Variants in HERPUD1 observed in about 807,000 individuals in gnomAD.
The protein encoded by HERPUD1 is homocysteine-responsive endoplasmic reticulum-resident ubiquitin-like domain member 1 protein.
In HERPUD1, 17 loss-of-function variants were observed where a neutral mutation model predicts 45.0. The ratio of observed to expected loss-of-function variants is 0.38; its 90% CI spans 0.26 to 0.57. The LOEUF is 0.57. Ranked by LOEUF, HERPUD1 falls within the 20% of genes least tolerant of loss-of-function variation. HERPUD1 has a pLI of 0.72. For missense variants in HERPUD1, 420 were observed against 490.5 expected, an observed-to-expected ratio of 0.86 and a Z score of 1.36; for synonymous variants, 164 against 177.5, an observed-to-expected ratio of 0.92 and a Z score of 0.61.
intron 4 of HERPUD1, 162 bp downstream of exon 4, chr16:56,936,979 C>G (rs2055871853): frequency 1.6e-6 from 1 of 615,142 alleles, no homozygotes; most frequent in Non-Finnish European, 2.5e-6. Context: ...ATATATTTAA[C>G]TTTTCTTAAT....
At position 56,932,194 on chromosome 16, in the gene HERPUD1, C is replaced by T; in HGVS notation, c.-51C>T. ...GAGATTGCGGGCGGCTGAGACGCCGCCTGCCTGGCACCTAGGAGCGCAGCG... is the reference window on the plus strand; with the variant it reads ...GAGATTGCGGGCGGCTGAGACGCCGTCTGCCTGGCACCTAGGAGCGCAGCG... On this transcript the variant is annotated 5_prime_UTR_variant, in exon 1 of 8. Coordinates refer to ENST00000439977, the MANE Select transcript of HERPUD1 (RefSeq NM_014685.4). 6.3e-7 allele frequency: 1 copy of T among 1,589,700 alleles called. No individual in the cohort carries two copies. Among genetic ancestry groups the T allele is most frequent in the Non-Finnish European group, 8.5e-7 (1 of 1,173,874 alleles).
chr16:56,934,977 G>A (rs1820787), intron 1 of HERPUD1: 114,132 of 398,312 alleles, frequency 0.29, 17,191 homozygotes, highest in Middle Eastern at 0.36. Flanking sequence ...CTCCCACAGT[G>A]CTTGGATTAC....
chr16:56,933,819 C>G (rs1211229379), intron 1 of HERPUD1, among the ~76,000 whole-genome samples: 2 of 152,138 alleles, frequency 1.3e-5, no homozygotes, highest in Non-Finnish European at 1.5e-5. Context: ...GAAAATAATT[C>G]AAAACCACTG....
rs2055830080 is a variant in HERPUD1 at position 56,932,220 on chromosome 16, G to A, written c.-25G>A. 1 of 1,602,058 alleles carries A rather than the reference G, an allele frequency of 6.2e-7. No homozygotes were observed. Among genetic ancestry groups the A allele is most frequent in the Non-Finnish European group, 8.5e-7 (1 of 1,178,178 alleles). ...CTGCCTGGCACCTAGGAGCGCAGCGGAGCCCCGACACCGCCGCCGCCGCCA... is the reference window on the plus strand; with the variant it reads ...CTGCCTGGCACCTAGGAGCGCAGCGAAGCCCCGACACCGCCGCCGCCGCCA... On this transcript the variant is annotated 5_prime_UTR_variant, in exon 1 of 8. Transcript: ENST00000439977.
chr16:56,936,852 C>A (rs772451442), intron 4 of HERPUD1, 35 bp downstream of exon 4: 1 of 1,604,608 alleles, frequency 6.2e-7, no homozygotes. Flanking sequence ...GCTTATGCAA[C>A]ATGAATGTTC....
At chr16:56,939,472 C>A in intron 5 of HERPUD1, 113 bp downstream of exon 5, 1 of 1,306,172 alleles carries the variant, frequency 7.7e-7, no homozygotes, top group Non-Finnish European at 1.1e-6. Flanking sequence ...TTTCATCAGT[C>A]TGCAGAGCCC....
At position 56,943,519 on chromosome 16, in the gene HERPUD1, T is replaced by C. The variant is rs1596984914; in HGVS notation, c.*229T>C. On this transcript the variant is annotated 3_prime_UTR_variant, in exon 8 of 8. Coordinates refer to ENST00000439977, the MANE Select transcript of HERPUD1 (RefSeq NM_014685.4). ...GTCTTTATTCTGAAGAGCTTTAATA[T>C]ATACTCTATGTAGTTTAATAAGCAC... 1.7e-6 allele frequency: 1 copy of C among 592,576 alleles called. No individual in the cohort carries two copies. Among genetic ancestry groups the C allele is most frequent in the East Asian group, 3.0e-5 (1 of 33,892 alleles). 36.7% of individuals were successfully genotyped at this position (592,576 alleles called of 1,614,324 possible). A position where few individuals can be genotyped will look rare whatever the true frequency, so the allele number is the denominator to read the frequency against.
At chr16:56,937,142 C>G (rs149163254) in intron 4 of HERPUD1, 2 of 189,856 alleles carry the variant, frequency 1.1e-5, no homozygotes, top group Non-Finnish European at 2.2e-5. Context: ...AAACAGCTGT[C>G]GTAAGCATTG....
rs745965637 is a variant in HERPUD1 at position 56,942,193 on chromosome 16, C to T, written c.967C>T (p.Pro323Ser). The T allele has an allele frequency of 3.1e-6, 5 of 1,614,086 alleles. No homozygotes were observed. In the South Asian group the frequency reaches 5.5e-5, roughly 18 times the overall value. Residue 323 changes from proline (P) to serine (S), a missense_variant, in exon 7 of 8, where the codon CCT (proline) becomes TCT (serine). Physicochemically the swap from Pro to Ser is moderately conservative, Grantham distance 74. Transcript: ENST00000439977. ...RPVQNFPNDG[P>S]PPDVVNQDPN... is the part of the protein sequence containing the mutation. ...GGTTCAGAACTTCCCAAATGATGGT[C>T]CTCCTCCTGACGTTGTAAATCAGGA...
chr16:56,936,587 G>T, intron 3 of HERPUD1, 100 bp from the exon 4 acceptor site: 1 of 1,089,688 alleles, frequency 9.2e-7, no homozygotes, highest in Non-Finnish European at 1.2e-6. Flanking sequence ...GAGGTGGGGG[G>T]TAGGAGATGT....
chr16:56,934,990 G>A (rs1159706478), intron 1 of HERPUD1: 2 of 434,952 alleles, frequency 4.6e-6, no homozygotes, highest in Non-Finnish European at 4.3e-6. Context: ...TGGATTACAG[G>A]CATGAGCCAC....
rs540203981 is a variant in HERPUD1, at chr16:56,942,195, T to G, written c.969T>G (p.Pro323=). ...TTCAGAACTTCCCAAATGATGGTCC[T>G]CCTCCTGACGTTGTAAATCAGGACC... is the stretch of plus-strand genomic sequence containing the variant. ...RPVQNFPNDG[P]PPDVVNQDPN... is the part of the protein sequence containing the mutation. Residue 323 remains proline (P), a synonymous_variant, in exon 7 of 8, where the codon CCT becomes CCG. Coordinates refer to ENST00000439977, the MANE Select transcript of HERPUD1 (RefSeq NM_014685.4). 237 of 1,614,150 alleles carry G rather than the reference T, an allele frequency of 1.5e-4. 3 individuals are homozygous for G. The South Asian group carries it at 1.8e-3, about 12-fold the overall frequency.
chr16:56,933,153 G>C, intron 1 of HERPUD1: 1 of 414,418 alleles, frequency 2.4e-6, no homozygotes, highest in Non-Finnish European at 4.8e-6. Flanking sequence ...TTTCTGCTCT[G>C]ATATTATGTA....
Position 56,944,402 on chromosome 16 carries a change from T to A in HERPUD1, c.*1112T>A, listed in dbSNP as rs1463753106. ...CATGCTTTTGTAAGCTGAGCTTATG[T>A]TTGTGATTTTAATCCTTTAAGTACT... On this transcript the variant is annotated 3_prime_UTR_variant, in exon 8 of 8. Coordinates refer to ENST00000439977, the MANE Select transcript of HERPUD1 (RefSeq NM_014685.4). 1.3e-5 allele frequency: 2 copies of A among 152,180 alleles called. No individual in the cohort carries two copies. The highest frequency in any genetic ancestry group is 2.9e-5 in the Non-Finnish European group (2 of 68,020). 9.4% of individuals were successfully genotyped at this position (152,180 alleles called of 1,614,324 possible).
intron 1 of HERPUD1, 189 bp from the exon 2 acceptor site, chr16:56,935,046 G>T: frequency 1.7e-6 from 1 of 574,130 alleles, no homozygotes. Context: ...TTGCGTGTTA[G>T]AGACCAGTTA....
Position 56,944,454 on chromosome 16 carries a change from T to C in HERPUD1, c.*1164T>C, listed in dbSNP as rs2055935659. The C allele has an allele frequency of 6.6e-6, 1 of 152,108 alleles. No individual in the cohort carries two copies. Among genetic ancestry groups the C allele is most frequent in the Non-Finnish European group, 1.5e-5 (1 of 68,050 alleles). 9.4% of individuals were successfully genotyped at this position (152,108 alleles called of 1,614,324 possible). ...CTGTGGTAACTAATCATTTTTTTGT[T>C]TTTTTTGGTGGTGTTTTTGTTTTTG... is the stretch of plus-strand genomic sequence containing the variant. On this transcript the variant is annotated 3_prime_UTR_variant, in exon 8 of 8. Coordinates refer to ENST00000439977, the MANE Select transcript of HERPUD1 (RefSeq NM_014685.4).
At chr16:56,936,491 T>C (rs2055867292) in intron 3 of HERPUD1, 196 bp from the exon 4 acceptor site, 1 of 367,538 alleles carries the variant, frequency 2.7e-6, no homozygotes, top group East Asian at 4.1e-5. Flanking sequence ...ATGAATATTT[T>C]AGCATCTATG....
At chr16:56,935,181 G>A in intron 1 of HERPUD1, 54 bp from the exon 2 acceptor site, 1 of 1,219,446 alleles carries the variant, frequency 8.2e-7, no homozygotes, top group East Asian at 2.3e-5. Flanking sequence ...TCTGTGTTTA[G>A]GAACTTGTAG....
Position 56,935,482 on chromosome 16 carries a change from C to G in HERPUD1, c.300+7C>G. ...GCCAGAAATCAACGCCAAGGTGTGTCTGCCTCTTCATGATGGTAACAATTT... is the reference window on the plus strand; with the variant it reads ...GCCAGAAATCAACGCCAAGGTGTGTGTGCCTCTTCATGATGGTAACAATTT... On this transcript the variant is annotated splice_region_variant and intron_variant, in intron 3 of 7. Coordinates refer to ENST00000439977, the MANE Select transcript of HERPUD1 (RefSeq NM_014685.4). 2 of 1,610,294 alleles carry G rather than the reference C, an allele frequency of 1.2e-6. No individual in the cohort carries two copies. The highest frequency in any genetic ancestry group is 1.3e-5 in the African/African-American group (1 of 74,954).
Sources: gnomAD v4.1 joint callset for allele counts (sites outside exome capture counted in the v4.1 genomes callset) on GRCh38, gnomAD v4.1.1 for gene constraint, MANE v1.5 for transcripts, NCBI Gene and HGNC (gene_info 2026-07-23, HGNC 2026-07-21) for gene names.